The following ITGA9 variants were observed in gnomAD, a reference collection of about 807,000 sequenced individuals.
ITGA9 encodes the protein integrin alpha-9.
ITGA9 carries 56 observed loss-of-function variants against 127.8 expected under a neutral mutation model. The ratio of observed to expected loss-of-function variants is 0.44; its 90% CI spans 0.35 to 0.55. ITGA9 has a LOEUF of 0.55. ITGA9 is among the 20% of genes least tolerant of loss of function. The pLI, the probability that ITGA9 is intolerant of heterozygous loss-of-function variation, is 0.00. For missense variants in ITGA9, 1,196 were observed against 1,347.1 expected (o/e 0.89, Z 1.76); for synonymous variants, 508 against 514.5 (o/e 0.99, Z 0.17).
intron 4 of ITGA9, among the ~76,000 whole-genome samples, chr3:37,493,651 A>G (rs1011615299): frequency 1.3e-5 from 2 of 152,006 alleles, no homozygotes; most frequent in African/African-American, 4.8e-5. Context: ...ATTGCCATTT[A>G]CTAGAGCTGT....
intron 9 of ITGA9, among the ~76,000 whole-genome samples, chr3:37,514,740 T>G (rs1013251151): frequency 2.0e-5 from 3 of 152,096 alleles, no homozygotes; most frequent in African/African-American, 7.2e-5. Context: ...CGGCTAATTT[T>G]TTGTGTGTTT....
At chr3:37,652,842 G>A (rs1471681363) in intron 16 of ITGA9, among the ~76,000 whole-genome samples, 1 of 152,208 alleles carries the variant, frequency 6.6e-6, no homozygotes, top group African/African-American at 2.4e-5. Context: ...GGAACTTGGG[G>A]AAGCTACTGT....
At chr3:37,502,555 T>C (rs942166813) in intron 5 of ITGA9, among the ~76,000 whole-genome samples, 5 of 152,194 alleles carry the variant, frequency 3.3e-5, no homozygotes, top group African/African-American at 1.2e-4. Context: ...ATTGCTGCCT[T>C]GTGGTCCCCT....
intron 18 of ITGA9, among the ~76,000 whole-genome samples, chr3:37,685,754 G>C (rs1317782648): frequency 6.6e-6 from 1 of 152,088 alleles, no homozygotes; most frequent in African/African-American, 2.4e-5. Context: ...CTGTCCCTTT[G>C]CCTGAGAATT....
chr3:37,503,073 T>C (rs1205461749), intron 5 of ITGA9, 105 bp from the exon 6 acceptor site: 3 of 1,355,540 alleles, frequency 2.2e-6, no homozygotes, highest in Admixed American at 3.9e-5. Context: ...AAAAAAGTTC[T>C]TGGTGTGAGG....
Position 37,597,348 on chromosome 3 carries a change from C to A in ITGA9, c.1690-31839C>A, listed in dbSNP as rs1441023383. On this transcript the variant is annotated intron_variant, in intron 15 of 27. Transcript: ENST00000264741. This position sits in a 1 kb window ranked among gnomAD's most constrained non-coding sequence, Gnocchi z 4.6. ...GTGCAAGAGAGTGCAATCAGTATTG[C>A]ATTTCAGCAGATCAGCCAAGCTGCA... Among the ~76,000 whole-genome samples, 1 of 152,014 alleles carries A rather than the reference C, an allele frequency of 6.6e-6. No individual in the cohort carries two copies. Among genetic ancestry groups the A allele is most frequent in the Admixed American group, 6.6e-5 (1 of 15,252 alleles).
intron 23 of ITGA9, among the ~76,000 whole-genome samples, chr3:37,755,197 G>C (rs1046400631): frequency 6.6e-6 from 1 of 152,156 alleles, no homozygotes; most frequent in African/African-American, 2.4e-5. Flanking sequence ...CAAGCTTCAA[G>C]GATTTGCCCA....
chr3:37,662,639 A>C (rs1700549134), intron 17 of ITGA9, among the ~76,000 whole-genome samples: 1 of 152,088 alleles, frequency 6.6e-6, no homozygotes, highest in Admixed American at 6.6e-5. Flanking sequence ...GGTTGGACTT[A>C]TGAGAGATGT....
intron 1 of ITGA9, among the ~76,000 whole-genome samples, chr3:37,455,912 G>A (rs1457907778): frequency 6.6e-6 from 1 of 152,182 alleles, no homozygotes; most frequent in Non-Finnish European, 1.5e-5. Flanking sequence ...GCATGTGAAT[G>A]TGCTCTGTTG....
chr3:37,540,206 G>A (rs1356156377), intron 14 of ITGA9, among the ~76,000 whole-genome samples: 1 of 152,288 alleles, frequency 6.6e-6, no homozygotes, highest in South Asian at 2.1e-4. Context: ...CTGAGGGAAG[G>A]CAGCCATTCA....
At chr3:37,804,044 A>G (rs1012841292) in intron 27 of ITGA9, 102 bp downstream of exon 27, 16 of 1,546,012 alleles carry the variant, frequency 1.0e-5, no homozygotes, top group Admixed American at 1.7e-5. Context: ...AGCTTCCTTC[A>G]TGGCACCGGT....
At chr3:37,771,776 C>T (rs549344541) in intron 23 of ITGA9, among the ~76,000 whole-genome samples, 1 of 152,260 alleles carries the variant, frequency 6.6e-6, no homozygotes, top group South Asian at 2.1e-4. Context: ...TCAGCAGGCA[C>T]TTTTGTCTCC....
In ITGA9 at chr3:37,517,606, C is replaced by A. The variant is rs1373534703; in HGVS notation, c.1138C>A (p.Pro380Thr). 1 of 1,574,922 alleles carries A rather than the reference C, an allele frequency of 6.3e-7. No individual in the cohort carries two copies. The highest frequency in any genetic ancestry group is 8.6e-7 in the Non-Finnish European group (1 of 1,159,030). Residue 380 changes from proline to threonine, a missense_variant, in exon 10 of 28, where the codon CCA becomes ACA. By Grantham distance (38) the Pro-to-Thr change is conservative. Transcript: ENST00000264741. ...SLDDLDNDGF[P>T]DVAIGAPKED... ...GGACGATCTGGACAATGATGGGTTC[C>A]CAGGTGAGTGAGTGCTCCTGGTGCA...
chr3:37,641,303 C>T (rs988999374), intron 16 of ITGA9, among the ~76,000 whole-genome samples: 5 of 152,176 alleles, frequency 3.3e-5, no homozygotes, highest in Admixed American at 6.5e-5. Context: ...CCGCCCCCTC[C>T]ACCGCCCGTT....
chr3:37,792,183 C>CA (rs2125557294), intron 26 of ITGA9, among the ~76,000 whole-genome samples: 1 of 152,288 alleles, frequency 6.6e-6, no homozygotes, highest in South Asian at 2.1e-4. Context: ...GTTTTCCAAA[C>CA]ACACGAGTCA....
At chr3:37,801,345 C>A (rs944755036) in intron 26 of ITGA9, among the ~76,000 whole-genome samples, 1 of 152,128 alleles carries the variant, frequency 6.6e-6, no homozygotes, top group Non-Finnish European at 1.5e-5. Flanking sequence ...GAGCCGGTCA[C>A]CTTCTGTTTC....
At chr3:37,458,268 A>G (rs1698281557) in intron 1 of ITGA9, among the ~76,000 whole-genome samples, 1 of 152,204 alleles carries the variant, frequency 6.6e-6, no homozygotes, top group African/African-American at 2.4e-5. Flanking sequence ...TGAGAGATCA[A>G]TGCACATTCA....
intron 24 of ITGA9, among the ~76,000 whole-genome samples, chr3:37,779,538 T>C (rs955209053): frequency 6.6e-6 from 1 of 152,204 alleles, no homozygotes; most frequent in African/African-American, 2.4e-5. Context: ...AGTCACATAA[T>C]GTAGGAAACG....
intron 13 of ITGA9, among the ~76,000 whole-genome samples, chr3:37,527,346 T>C (rs1210498106): frequency 6.6e-6 from 1 of 152,212 alleles, no homozygotes; most frequent in African/African-American, 2.4e-5. Context: ...CTGCAGTACA[T>C]GTAAAATGTT....
Sources: allele counts gnomAD v4.1 joint callset (sites outside exome capture counted in the v4.1 genomes callset), GRCh38; gene constraint gnomAD v4.1.1; non-coding constraint Gnocchi (gnomAD v3.1); transcripts MANE v1.5; gene names NCBI Gene and HGNC (gene_info 2026-07-23, HGNC 2026-07-21).